Variants in MFN1 observed in about 807,000 individuals in gnomAD.
The protein encoded by MFN1 is mitofusin 1.
MFN1 carries 65 observed loss-of-function variants against 92.4 expected under a neutral mutation model. The observed-to-expected ratio is 0.70, with a 90% CI of 0.58 to 0.86. MFN1 has a LOEUF of 0.86. Among genes scored for constraint, MFN1 ranks in the 40% least tolerant of loss-of-function variants. The probability of loss-of-function intolerance (pLI) is 0.00; values close to 1 mark genes in which losing one functional copy is unlikely to be tolerated. For missense variants in MFN1, 781 were observed against 868.0 expected (o/e 0.90, Z 1.26); for synonymous variants, 297 against 300.9 (o/e 0.99, Z 0.13).
At chr3:179,385,061 T>C (rs1713623020) in intron 14 of MFN1, among the ~76,000 whole-genome samples, 1 of 150,968 alleles carries the variant, frequency 6.6e-6, no homozygotes, top group African/African-American at 2.4e-5. Flanking sequence ...ATCCACCACC[T>C]CGCTGGGCTA....
chr3:179,361,966 G>T (rs1333841476), intron 4 of MFN1, among the ~76,000 whole-genome samples: 1 of 152,162 alleles, frequency 6.6e-6, no homozygotes. Flanking sequence ...TTTCTATGGG[G>T]TGTTAAAAGC....
intron 6 of MFN1, 95 bp downstream of exon 6, chr3:179,364,500 A>G (rs1712706689): frequency 2.0e-6 from 2 of 979,334 alleles, no homozygotes; most frequent in Non-Finnish European, 3.1e-6. Context: ...ATCGTGGATT[A>G]GAAAAAACTT....
At chr3:179,356,417 A>T (rs1712346244) in intron 3 of MFN1, among the ~76,000 whole-genome samples, 1 of 152,238 alleles carries the variant, frequency 6.6e-6, no homozygotes, top group South Asian at 2.1e-4. Context: ...AATATCCTTT[A>T]TAATGAACCA....
Position 179,348,845 on chromosome 3 carries a change from T to G in MFN1, c.-7T>G. 1 of 1,608,870 alleles carries G rather than the reference T, an allele frequency of 6.2e-7. No homozygotes were observed. Among genetic ancestry groups the G allele is most frequent in the Non-Finnish European group, 8.5e-7 (1 of 1,176,022 alleles). On this transcript the variant is annotated splice_region_variant and 5_prime_UTR_variant, in exon 2 of 18. Transcript: ENST00000471841. ...CTTTTCTAACTTTATCTCCCTCTAG[T>G]AGCATAATGGCAGAACCTGTTTCTC...
At position 179,386,435 on chromosome 3, in the gene MFN1, T is replaced by C. The variant is rs1560201426; in HGVS notation, c.1818T>C (p.Ile606=). ...TAAGCTATGACTTTATCTTACAGAT[T>C]TGGAAAACTATAGGCTGGAAACTCC... ...SMGIIIVGGV[I]WKTIGWKLLS... is the part of the protein sequence containing the mutation. The change falls in exon 16 of 18, where the codon ATT becomes ATC. Residue 606 remains isoleucine, a splice_region_variant and synonymous_variant. Transcript: ENST00000471841. 9 of 1,610,184 alleles carry C rather than the reference T, an allele frequency of 5.6e-6. No homozygotes were observed. The highest frequency in any genetic ancestry group is 1.7e-4 in the Middle Eastern group (1 of 5,844).
At chr3:179,366,511 C>T (rs868428185) in intron 7 of MFN1, among the ~76,000 whole-genome samples, 5 of 151,654 alleles carry the variant, frequency 3.3e-5, no homozygotes, top group African/African-American at 9.7e-5. Flanking sequence ...AATAGTAGTA[C>T]GAGATTATTA....
intron 13 of MFN1, 44 bp from the exon 14 acceptor site, chr3:179,378,541 A>G (rs1370906068): frequency 3.2e-6 from 5 of 1,551,502 alleles, no homozygotes; most frequent in Non-Finnish European, 4.4e-6. Flanking sequence ...AAGGTAAAAC[A>G]TTTACCATTC....
Position 179,393,194 on chromosome 3 carries a change from T to C in MFN1, c.*1135T>C, listed in dbSNP as rs562977865. 3 of 152,172 alleles carry C rather than the reference T, an allele frequency of 2.0e-5. No homozygotes were observed. The highest frequency in any genetic ancestry group is 7.2e-5 in the African/African-American group (3 of 41,506). The allele number at this position is 152,172 out of a possible 1,614,324, so 9.4% of individuals were successfully genotyped here. On this transcript the variant is annotated 3_prime_UTR_variant, in exon 18 of 18. Transcript: ENST00000471841. ...CCTCACCAGTTTCCTCTTTAATGAA[T>C]CAAATAAAATCTTTAACTGATGTTA...
At position 179,377,181 on chromosome 3, in the gene MFN1, A is replaced by T. The variant is rs1262803437; in HGVS notation, c.1224+13A>T. 1.9e-6 allele frequency: 3 copies of T among 1,608,668 alleles called. No individual in the cohort carries two copies. The highest frequency in any genetic ancestry group is 3.3e-4 in the Middle Eastern group (2 of 6,034). ...GGTGGCAAACAAAGTGGGTAACAGT[A>T]GCTTCATGATTAAAATAACCTGGAT... is the stretch of plus-strand genomic sequence containing the variant. On this transcript the variant is annotated intron_variant, in intron 11 of 17. Transcript: ENST00000471841.
chr3:179,386,419 A>C lies in MFN1; in HGVS notation c.1816-14A>C. ...TTTTTCCTTCTCAGACTAAGCTATG[A>C]CTTTATCTTACAGATTTGGAAAACT... On this transcript the variant is annotated splice_polypyrimidine_tract_variant and intron_variant, in intron 15 of 17. Transcript: ENST00000471841. The C allele has an allele frequency of 6.2e-7, 1 of 1,605,530 alleles. No individual in the cohort carries two copies. Among genetic ancestry groups the C allele is most frequent in the Non-Finnish European group, 8.5e-7 (1 of 1,175,882 alleles).
chr3:179,381,636 AAAC>A (rs529092754), intron 14 of MFN1, among the ~76,000 whole-genome samples: 157 of 152,390 alleles, frequency 1.0e-3, no homozygotes, highest in Middle Eastern at 0.01. Flanking sequence ...TGGTGATGCC[AAAC>A]AACCATAGAG....
intron 3 of MFN1, 106 bp downstream of exon 3, chr3:179,352,141 C>A: frequency 8.1e-7 from 1 of 1,228,560 alleles, no homozygotes; most frequent in Non-Finnish European, 1.1e-6. Flanking sequence ...CCGCAAGTTT[C>A]TGCCTGTGTT....
chr3:179,364,360 T>G lies in MFN1; in HGVS notation c.600T>G (p.Asp200Glu). The change falls in exon 6 of 18, where the codon GAT (aspartate) becomes GAG (glutamate). Residue 200 changes from aspartate to glutamate, a missense_variant. Asp to Glu is a conservative substitution (Grantham distance 45). Coordinates refer to ENST00000471841, the MANE Select transcript of MFN1 (RefSeq NM_033540.3). ...TTGATAAGTTTTGCCTAGATGCTGA[T>G]GTCTTTGTTTTGGTCGCAAACTCTG... ...SWIDKFCLDADVFVLVANSES... is the reference protein window; with the variant it reads ...SWIDKFCLDAEVFVLVANSES... The G allele has an allele frequency of 6.2e-7, 1 of 1,613,922 alleles. No individual in the cohort carries two copies.
chr3:179,385,070 T>TG (rs1223407401), intron 14 of MFN1, among the ~76,000 whole-genome samples: 4 of 150,454 alleles, frequency 2.7e-5, no homozygotes, highest in African/African-American at 9.9e-5. Flanking sequence ...CTCGCTGGGC[T>TG]AATTTTTTTT....
intron 15 of MFN1, 64 bp downstream of exon 15, chr3:179,385,785 C>A: frequency 6.7e-7 from 1 of 1,486,332 alleles, no homozygotes; most frequent in Non-Finnish European, 9.3e-7. Flanking sequence ...TGTTAGCTCA[C>A]AAAAGAAAAG....
intron 12 of MFN1, 178 bp from the exon 13 acceptor site, chr3:179,378,163 A>G: frequency 1.7e-6 from 1 of 594,290 alleles, no homozygotes; most frequent in Non-Finnish European, 2.9e-6. Flanking sequence ...GGTCAAGGCT[A>G]CAGTGAGTCA....
chr3:179,371,021 A>G (rs187047769), intron 9 of MFN1, among the ~76,000 whole-genome samples: 23 of 152,266 alleles, frequency 1.5e-4, no homozygotes, highest in African/African-American at 5.3e-4. Context: ...GGATTTGCTT[A>G]CTTTTTTTTG....
chr3:179,349,045 A>G (rs938643190), intron 2 of MFN1, 82 bp downstream of exon 2: 27 of 1,158,432 alleles, frequency 2.3e-5, no homozygotes, highest in Non-Finnish European at 3.2e-5. Flanking sequence ...GTTATTGAAC[A>G]CATGTATAGG....
chr3:179,370,657 G>A (rs1463331566), intron 9 of MFN1, among the ~76,000 whole-genome samples: 3 of 152,010 alleles, frequency 2.0e-5, no homozygotes, highest in Non-Finnish European at 2.9e-5. Flanking sequence ...TGATCCACCC[G>A]CCTTGGCCTC....
Sources: allele counts gnomAD v4.1 joint callset (sites outside exome capture counted in the v4.1 genomes callset), GRCh38; gene constraint gnomAD v4.1.1; transcripts MANE v1.5; gene names NCBI Gene and HGNC (gene_info 2026-07-23, HGNC 2026-07-21).